The following TREX1 variants were observed in gnomAD, a reference collection of about 807,000 sequenced individuals.
TREX1 encodes the protein three-prime repair exonuclease 1.
A neutral mutation model predicts 13.7 loss-of-function variants in TREX1; 11 were observed. That is an observed-to-expected ratio of 0.80 (90% CI 0.51 to 1.33). TREX1 has a LOEUF of 1.33. Ranked by LOEUF, TREX1 falls within the 40% of genes most tolerant of loss-of-function variation. The probability of loss-of-function intolerance (pLI) is 0.00; values close to 1 mark genes in which losing one functional copy is unlikely to be tolerated. For synonymous variants in TREX1, 178 were observed against 178.8 expected (o/e 1.00, Z 0.03); for missense variants, 409 against 404.4 (o/e 1.01, Z -0.10).
Position 48,466,800 on chromosome 3 carries a change from A to G in TREX1, c.145A>G (p.Thr49Ala), listed in dbSNP as rs1427260162. The change falls in exon 2 of 2, where the codon ACC becomes GCC. Residue 49 changes from threonine to alanine, a missense_variant. Transcript: ENST00000625293. Reference sequence around the variant, plus strand: ...CAGATGTGCCCTGGAGAGCCCCCCCACCTCTCAGGGGCCACCTCCCACAGT... The same window carrying G: ...CAGATGTGCCCTGGAGAGCCCCCCCGCCTCTCAGGGGCCACCTCCCACAGT... ...VHRCALESPPTSQGPPPTVPP... is the reference protein window; with the variant it reads ...VHRCALESPPASQGPPPTVPP... The G allele has an allele frequency of 1.2e-6, 2 of 1,612,692 alleles. No homozygotes were observed. Among genetic ancestry groups the G allele is most frequent in the Non-Finnish European group, 8.5e-7 (1 of 1,179,740 alleles).
rs780022923 is a variant in TREX1, at chr3:48,467,572, G to C, written c.917G>C (p.Gly306Ala). The C allele has an allele frequency of 2.5e-6, 4 of 1,613,362 alleles. No individual in the cohort carries two copies. Among genetic ancestry groups the C allele is most frequent in the Non-Finnish European group, 3.4e-6 (4 of 1,179,636 alleles). ...ACCTTGGCAGTAGCCACACTGTATG[G>C]ACTATCCCTGGCCACACCTGGGGAG... Reference protein sequence around the residue: ...ILTLAVATLYGLSLATPGE With the variant: ...ILTLAVATLYALSLATPGE The change falls in exon 2 of 2, where the codon GGA (glycine) becomes GCA (alanine). Residue 306 changes from glycine to alanine, a missense_variant. Coordinates refer to ENST00000625293, the MANE Select transcript of TREX1 (RefSeq NM_033629.6).
rs908382062 is a variant in TREX1 at position 48,466,682 on chromosome 3, G to T, written c.27G>T (p.Gly9=). The part of the protein sequence containing the change: MGSQALPP[G]PMQTLIFFDM... The stretch of plus-strand genomic sequence containing the variant: ...TGGGCTCGCAGGCCCTGCCCCCGGG[G>T]CCCATGCAGACCCTCATCTTTTTCG... The change falls in exon 2 of 2, where the codon GGG becomes GGT. Residue 9 remains glycine (G), a synonymous_variant. Coordinates refer to ENST00000625293, the MANE Select transcript of TREX1 (RefSeq NM_033629.6). 3 of 1,614,062 alleles carry T rather than the reference G, an allele frequency of 1.9e-6. No homozygotes were observed. Among genetic ancestry groups the T allele is most frequent in the Non-Finnish European group, 2.5e-6 (3 of 1,180,012 alleles).
rs1259794263 is a variant in TREX1, at chr3:48,466,965, C to T, written c.310C>T (p.Leu104=). 1 of 1,612,326 alleles carries T rather than the reference C, an allele frequency of 6.2e-7. No homozygotes were observed. The highest frequency in any genetic ancestry group is 1.7e-5 in the Admixed American group (1 of 59,998). ...AHGRQCFDDN[L]ANLLLAFLRR... The stretch of plus-strand genomic sequence containing the variant: ...TGGGCGTCAATGTTTTGATGACAAC[C>T]TGGCCAACCTGCTCCTAGCCTTCCT... Residue 104 remains leucine, a synonymous_variant, in exon 2 of 2, where the codon CTG becomes TTG. Transcript: ENST00000625293.
Position 48,466,858 on chromosome 3 carries a change from C to T in TREX1, c.203C>T (p.Ser68Phe). 2.5e-6 allele frequency: 4 copies of T among 1,613,846 alleles called. No homozygotes were observed. The South Asian group carries it at 4.4e-5, about 18-fold the overall frequency. Residue 68 changes from serine (S) to phenylalanine (F), a missense_variant, in exon 2 of 2, where the codon TCC becomes TTC. Ser to Phe is a radical substitution (Grantham distance 155). Coordinates refer to ENST00000625293, the MANE Select transcript of TREX1 (RefSeq NM_033629.6). ...CCACCGCGTGTGGTAGACAAGCTCT[C>T]CCTGTGTGTGGCTCCGGGGAAGGCC... ...PPPPRVVDKL[S>F]LCVAPGKACS...
chr3:48,466,306 T>C lies in TREX1; in HGVS notation c.-30T>C, dbSNP rs1027219174. The C allele has an allele frequency of 9.4e-6, 7 of 744,950 alleles. No homozygotes were observed. Among genetic ancestry groups the C allele is most frequent in the Middle Eastern group, 3.7e-4 (1 of 2,714 alleles). 46.1% of individuals were successfully genotyped at this position (744,950 alleles called of 1,614,324 possible). The stretch of plus-strand genomic sequence containing the variant: ...CACTACTGCCTGCCTGCCTGCCTGC[T>C]ACGGTGAGTGTGGCCCCCACAATGG... On this transcript the variant is annotated 5_prime_UTR_variant, in exon 1 of 2. Coordinates refer to ENST00000625293, the MANE Select transcript of TREX1 (RefSeq NM_033629.6).
chr3:48,466,383 C>T (rs992826190), intron 1 of TREX1, 74 bp downstream of exon 1: 3 of 1,470,906 alleles, frequency 2.0e-6, no homozygotes, highest in African/African-American at 1.4e-5. Context: ...ACTAAGGGGG[C>T]ACTAGGGGAG....
In TREX1 at chr3:48,467,318, T is replaced by A. The variant is rs763167160; in HGVS notation, c.663T>A (p.Ala221=). Residue 221 remains alanine (A), a synonymous_variant, in exon 2 of 2, where the codon GCT becomes GCA. Transcript: ENST00000625293. The part of the protein sequence containing the change: ...RPQALLRWVD[A]HARPFGTIRP... ...AGGCCCTGCTGCGGTGGGTGGATGC[T>A]CACGCCAGGCCTTTCGGCACCATCA... 2 of 1,614,160 alleles carry A rather than the reference T, an allele frequency of 1.2e-6. No homozygotes were observed. The highest frequency in any genetic ancestry group is 1.7e-5 in the Admixed American group (1 of 60,030).
In TREX1 at chr3:48,467,141, G is replaced by A. The variant is rs55786737; in HGVS notation, c.486G>A (p.Leu162=). The A allele has an allele frequency of 1.3e-4, 215 of 1,613,932 alleles. No homozygotes were observed. The highest frequency in any genetic ancestry group is 1.8e-4 in the Non-Finnish European group (208 of 1,180,038). ...ATAGCATCACTGCGCTGAAGGCCCT[G>A]GAGCGAGCAAGCAGCCCCTCAGAAC... ...CVDSITALKA[L]ERASSPSEHG... The change falls in exon 2 of 2, where the codon CTG becomes CTA. Residue 162 remains leucine, a synonymous_variant. Transcript: ENST00000625293.
At position 48,466,276 on chromosome 3, in the gene TREX1, CGAG is replaced by C. The variant is rs1575290721; in HGVS notation, c.-59_-57del. ...CGAGAGCCGCGGGAGAGTGTGCAGC[CGAG>C]TCACTACTGCCTGCCTGCCTGCCTG... On this transcript the variant is annotated 5_prime_UTR_variant, in exon 1 of 2. Transcript: ENST00000625293. 7.7e-6 allele frequency: 5 copies of C among 648,986 alleles called. No homozygotes were observed. The East Asian group carries it at 1.4e-4, about 18-fold the overall frequency. 40.2% of individuals were successfully genotyped at this position (648,986 alleles called of 1,614,324 possible). A position where few individuals can be genotyped will look rare whatever the true frequency, so the allele number is the denominator to read the frequency against.
chr3:48,467,578 C>T lies in TREX1; in HGVS notation c.923C>T (p.Ser308Phe). The T allele has an allele frequency of 1.2e-6, 2 of 1,612,886 alleles. No individual in the cohort carries two copies. Among genetic ancestry groups the T allele is most frequent in the South Asian group, 1.1e-5 (1 of 91,074 alleles). Reference sequence around the variant, plus strand: ...GCAGTAGCCACACTGTATGGACTATCCCTGGCCACACCTGGGGAGTAGGCC... The same window carrying T: ...GCAGTAGCCACACTGTATGGACTATTCCTGGCCACACCTGGGGAGTAGGCC... ...TLAVATLYGL[S>F]LATPGE Residue 308 changes from serine to phenylalanine, a missense_variant, in exon 2 of 2, where the codon TCC becomes TTC. Ser to Phe is a radical substitution (Grantham distance 155). Coordinates refer to ENST00000625293, the MANE Select transcript of TREX1 (RefSeq NM_033629.6).
upstream of TREX1, chr3:48,465,926 C>T: frequency 3.4e-6 from 1 of 290,216 alleles, no homozygotes; most frequent in South Asian, 3.4e-5. Flanking sequence ...GCCTGGGAAA[C>T]TGGGACCCAC....
chr3:48,466,343 G>T (rs2040294985), intron 1 of TREX1, 34 bp downstream of exon 1: 2 of 1,057,770 alleles, frequency 1.9e-6, no homozygotes, highest in Admixed American at 4.0e-5. Flanking sequence ...ATGGCGCAGG[G>T]CAGGAGGGCC....
At chr3:48,466,552 G>C (rs2040309418) in intron 1 of TREX1, 78 bp from the exon 2 acceptor site, 3 of 1,613,842 alleles carry the variant, frequency 1.9e-6, no homozygotes, top group Non-Finnish European at 1.7e-6. Flanking sequence ...ATGTGCTTCT[G>C]CCCACCCCCT....
chr3:48,466,332 G>T lies in TREX1; in HGVS notation c.-27+23G>T, dbSNP rs1288524920. On this transcript the variant is annotated intron_variant, in intron 1 of 1. Transcript: ENST00000625293. ...ACGGTGAGTGTGGCCCCCACAATGG[G>T]ATGGCGCAGGGCAGGAGGGCCATGG... The T allele has an allele frequency of 1.1e-5, 10 of 941,616 alleles. No homozygotes were observed. The Admixed American group carries it at 1.8e-4, about 17-fold the overall frequency. The allele number at this position is 941,616 out of a possible 1,614,324, so 58.3% of individuals were successfully genotyped here.
At chr3:48,466,338 G>A (rs1035785426) in intron 1 of TREX1, 29 bp downstream of exon 1, 56 of 994,498 alleles carry the variant, frequency 5.6e-5, no homozygotes, top group Non-Finnish European at 8.1e-5. Context: ...ATGGGATGGC[G>A]CAGGGCAGGA....
Position 48,467,569 on chromosome 3 carries a change from A to G in TREX1, c.914A>G (p.Tyr305Cys), listed in dbSNP as rs370504038. The G allele has an allele frequency of 8.6e-5, 138 of 1,613,528 alleles. No homozygotes were observed. Among genetic ancestry groups the G allele is most frequent in the Non-Finnish European group, 1.1e-4 (129 of 1,179,752 alleles). Residue 305 changes from tyrosine (Y) to cysteine (C), a missense_variant, in exon 2 of 2, where the codon TAT becomes TGT. Tyr to Cys is a radical substitution (Grantham distance 194). Coordinates refer to ENST00000625293, the MANE Select transcript of TREX1 (RefSeq NM_033629.6). ...AILTLAVATLYGLSLATPGE is the reference protein window; with the variant it reads ...AILTLAVATLCGLSLATPGE ...CTGACCTTGGCAGTAGCCACACTGT[A>G]TGGACTATCCCTGGCCACACCTGGG... is the stretch of plus-strand genomic sequence containing the variant.
At chr3:48,466,496 C>A (rs1466176045) in intron 1 of TREX1, 134 bp from the exon 2 acceptor site, 1 of 1,613,860 alleles carries the variant, frequency 6.2e-7, no homozygotes, top group Non-Finnish European at 8.5e-7. Flanking sequence ...TGAAAATGGG[C>A]CCTGGAGCTC....
At chr3:48,466,519 G>C in intron 1 of TREX1, 111 bp from the exon 2 acceptor site, 5 of 1,613,990 alleles carry the variant, frequency 3.1e-6, no homozygotes, top group Non-Finnish European at 4.2e-6. Context: ...AGACAGGGCA[G>C]GATTGTGCAG....
chr3:48,466,937 G>A lies in TREX1; in HGVS notation c.282G>A (p.Ala94=), dbSNP rs374854957. ...GTCTGAGCACAGCTGTGCTGGCAGC[G>A]CATGGGCGTCAATGTTTTGATGACA... ...ITGLSTAVLA[A]HGRQCFDDNL... Residue 94 remains alanine (A), a synonymous_variant, in exon 2 of 2, where the codon GCG becomes GCA. Transcript: ENST00000625293. 52 of 1,611,322 alleles carry A rather than the reference G, an allele frequency of 3.2e-5. 1 individual carries two copies. Among genetic ancestry groups the A allele is most frequent in the South Asian group, 1.6e-4 (15 of 91,092 alleles).
Sources: allele counts gnomAD v4.1 joint callset, GRCh38; gene constraint gnomAD v4.1.1; transcripts MANE v1.5; gene names NCBI Gene and HGNC (gene_info 2026-07-23, HGNC 2026-07-21).